Variants in DLG1 observed in about 807,000 individuals in gnomAD.
The protein encoded by DLG1 is discs large MAGUK scaffold protein 1, also known as disks large homolog 1.
A neutral mutation model predicts 123.4 loss-of-function variants in DLG1; 42 were observed. The observed-to-expected ratio is 0.34, with a 90% CI of 0.27 to 0.44. The LOEUF is 0.44. DLG1 is among the 20% of genes least tolerant of loss of function. The pLI is 1.00. For missense variants in DLG1, 942 were observed against 1,082.6 expected (o/e 0.87, Z 1.82); for synonymous variants, 317 against 356.2 (o/e 0.89, Z 1.24).
At chr3:197,054,465 T>G (rs905959784) in intron 23 of DLG1, among the ~76,000 whole-genome samples, 5 of 152,232 alleles carry the variant, frequency 3.3e-5, no homozygotes, top group Non-Finnish European at 7.3e-5. Context: ...TTTCCATTGT[T>G]GTATCTTTAA....
At chr3:197,069,438 A>C (rs1742080524) in intron 18 of DLG1, 178 bp from the exon 19 acceptor site, 1 of 426,222 alleles carries the variant, frequency 2.3e-6, no homozygotes, top group Non-Finnish European at 4.2e-6. Flanking sequence ...GCAAAGGAAA[A>C]CTCCTGTAAT....
intron 22 of DLG1, among the ~76,000 whole-genome samples, chr3:197,062,116 G>C (rs958688780): frequency 6.6e-6 from 1 of 151,960 alleles, no homozygotes; most frequent in Non-Finnish European, 1.5e-5. Context: ...TGGGAGTTAC[G>C]TCCCAATAAA....
intron 22 of DLG1, among the ~76,000 whole-genome samples, chr3:197,063,190 A>AT (rs1270891521): frequency 8.4e-6 from 1 of 118,538 alleles, no homozygotes; most frequent in Non-Finnish European, 1.8e-5. Context: ...AACTTAAAGT[A>AT]TAAAAAAAAA....
At position 197,136,715 on chromosome 3, in the gene DLG1, T is replaced by C. The variant is rs202166157; in HGVS notation, c.884-37A>G. The C allele has an allele frequency of 1.1e-4, 174 of 1,567,510 alleles. 1 individual carries two copies. The highest frequency in any genetic ancestry group is 8.6e-4 in the Admixed American group (44 of 50,930). On this transcript the variant is annotated intron_variant, in intron 9 of 24. Transcript: ENST00000667157. ...ACAGTTCTAGATTCTCATCCATAAA[T>C]ATGAACTTAAGCCCAGAAAGAAATG...
chr3:197,064,025 C>T (rs549327629), intron 22 of DLG1, among the ~76,000 whole-genome samples: 8 of 149,964 alleles, frequency 5.3e-5, no homozygotes, highest in Non-Finnish European at 1.2e-4. Flanking sequence ...TGGGTTCAAG[C>T]GATTCTCCTG....
chr3:197,252,676 C>A (rs1358237485), intron 4 of DLG1, among the ~76,000 whole-genome samples: 5 of 152,150 alleles, frequency 3.3e-5, no homozygotes, highest in Admixed American at 3.3e-4. Flanking sequence ...GTGGTAACGG[C>A]TGCATTTCAC....
At chr3:197,068,425 C>A in intron 19 of DLG1, 8 of 950,498 alleles carry the variant, frequency 8.4e-6, no homozygotes, top group South Asian at 6.2e-5. Context: ...GAAAAATAAT[C>A]AACCAAATGA....
chr3:197,086,153 T>C (rs1041114624), intron 15 of DLG1, among the ~76,000 whole-genome samples: 11 of 152,116 alleles, frequency 7.2e-5, no homozygotes, highest in Admixed American at 6.6e-4. Flanking sequence ...ATATATTTGA[T>C]TTATTAGTTG....
At chr3:197,174,904 T>A (rs1806182561) in intron 5 of DLG1, among the ~76,000 whole-genome samples, 1 of 152,246 alleles carries the variant, frequency 6.6e-6, no homozygotes, top group Non-Finnish European at 1.5e-5. Flanking sequence ...CTGTCACAGC[T>A]GTAACTTCTT....
chr3:197,089,267 C>A (rs1405181589), intron 15 of DLG1, among the ~76,000 whole-genome samples: 1 of 152,148 alleles, frequency 6.6e-6, no homozygotes, highest in Non-Finnish European at 1.5e-5. Flanking sequence ...GTGGCTCATG[C>A]CTGTAATGCC....
At chr3:197,276,150 T>C (rs916109394) in intron 4 of DLG1, among the ~76,000 whole-genome samples, 1 of 152,240 alleles carries the variant, frequency 6.6e-6, no homozygotes, top group Non-Finnish European at 1.5e-5. Flanking sequence ...TAATAACACA[T>C]AATGGATACA....
At chr3:197,115,044 T>C (rs1772435003) in intron 13 of DLG1, among the ~76,000 whole-genome samples, 1 of 140,760 alleles carries the variant, frequency 7.1e-6, no homozygotes, top group East Asian at 2.0e-4. Flanking sequence ...GACAGTCCTA[T>C]ACAACAAATA....
At chr3:197,150,147 A>G (rs1793150288) in intron 5 of DLG1, among the ~76,000 whole-genome samples, 1 of 152,146 alleles carries the variant, frequency 6.6e-6, no homozygotes, top group South Asian at 2.1e-4. Context: ...TTCTCTTCCC[A>G]AAGATACAGT....
chr3:197,204,684 G>C (rs761675195), intron 4 of DLG1, among the ~76,000 whole-genome samples: 3 of 152,040 alleles, frequency 2.0e-5, no homozygotes, highest in Non-Finnish European at 2.9e-5. Context: ...TACAAATAAA[G>C]AACAATGCAG....
chr3:197,237,877 C>T (rs1190692202), intron 4 of DLG1, among the ~76,000 whole-genome samples: 1 of 152,186 alleles, frequency 6.6e-6, no homozygotes, highest in Non-Finnish European at 1.5e-5. Context: ...GCTGGAACTC[C>T]CACTGGCACC....
rs536042535 is a variant in DLG1 at position 197,130,767 on chromosome 3, T to C, written c.1021-96A>G. ...AAAGAAAGGGAAAATAAGAGAGTGG[T>C]TTAAGGAAAATAAAGGTATGCCGAA... On this transcript the variant is annotated intron_variant, in intron 10 of 24. Coordinates refer to ENST00000667157, the MANE Select transcript of DLG1 (RefSeq NM_001366207.1). 5 of 1,025,152 alleles carry C rather than the reference T, an allele frequency of 4.9e-6. No homozygotes were observed. The East Asian group carries it at 1.3e-4, about 26-fold the overall frequency. The allele number at this position is 1,025,152 out of a possible 1,614,324, so 63.5% of individuals were successfully genotyped here.
intron 22 of DLG1, among the ~76,000 whole-genome samples, chr3:197,061,881 A>G (rs768359721): frequency 7.2e-5 from 11 of 152,150 alleles, no homozygotes; most frequent in African/African-American, 1.9e-4. Flanking sequence ...TTTGTAACTG[A>G]TAAGTATTTT....
intron 1 of DLG1, chr3:197,297,928 G>T (rs932898291): frequency 1.0e-6 from 1 of 983,892 alleles, no homozygotes; most frequent in African/African-American, 1.8e-5. Context: ...AGCGGAGGGG[G>T]CGAAGGGACG....
chr3:197,153,785 T>C (rs56306435), intron 5 of DLG1, among the ~76,000 whole-genome samples: 20,286 of 152,154 alleles, frequency 0.13, 1,916 homozygotes, highest in African/African-American at 0.26. Flanking sequence ...GGGGAAGGCA[T>C]AGGCTCAGAA....
Sources: allele counts gnomAD v4.1 joint callset (sites outside exome capture counted in the v4.1 genomes callset), GRCh38; gene constraint gnomAD v4.1.1; transcripts MANE v1.5; gene names NCBI Gene and HGNC (gene_info 2026-07-23, HGNC 2026-07-21).